PPARG: variants seen among roughly 807,000 people sequenced by gnomAD.
The protein encoded by PPARG is peroxisome proliferator activated receptor gamma.
A neutral mutation model predicts 39.2 loss-of-function variants in PPARG; 17 were observed. The ratio of observed to expected loss-of-function variants is 0.43; its 90% CI spans 0.30 to 0.65. The LOEUF (loss-of-function observed/expected upper bound fraction) is 0.65, where lower values mean the gene tolerates loss of function less well. Ranked by LOEUF, PPARG falls within the 30% of genes least tolerant of loss-of-function variation. The probability of loss-of-function intolerance (pLI) is 0.13; values close to 1 mark genes in which losing one functional copy is unlikely to be tolerated. For synonymous variants in PPARG, 223 were observed against 215.7 expected (o/e 1.03, Z -0.30); for missense variants, 406 against 585.9 (o/e 0.69, Z 3.17).
chr3:12,344,211 T>C (rs2125076480), intron 2 of PPARG, among the ~76,000 whole-genome samples: 1 of 152,310 alleles, frequency 6.6e-6, no homozygotes, highest in East Asian at 1.9e-4. Flanking sequence ...TTTAAAAGAC[T>C]TAGCACAGCC....
chr3:12,372,015 A>G, intron 2 of PPARG: 5 of 717,216 alleles, frequency 7.0e-6, no homozygotes, highest in Non-Finnish European at 1.0e-5. Flanking sequence ...CATGACATTA[A>G]CTGAAACAAA....
intron 2 of PPARG, among the ~76,000 whole-genome samples, chr3:12,327,179 C>T (rs1035206594): frequency 2.6e-5 from 4 of 152,066 alleles, no homozygotes; most frequent in East Asian, 1.9e-4. Flanking sequence ...TGTTTGTACC[C>T]GGTTTGCTTC....
At chr3:12,330,257 T>C (rs372119557) in intron 2 of PPARG, among the ~76,000 whole-genome samples, 22 of 146,046 alleles carry the variant, frequency 1.5e-4, no homozygotes, top group Admixed American at 5.6e-4. Flanking sequence ...CCCACTGCAA[T>C]ATATATGGGT....
intron 6 of PPARG, among the ~76,000 whole-genome samples, chr3:12,408,064 G>A (rs2050735618): frequency 6.6e-6 from 1 of 152,180 alleles, no homozygotes; most frequent in Non-Finnish European, 1.5e-5. Flanking sequence ...AGGTTTTCTG[G>A]CCTCTAGTTC....
At chr3:12,400,315 C>G (rs553428977) in intron 5 of PPARG, among the ~76,000 whole-genome samples, 14 of 152,300 alleles carry the variant, frequency 9.2e-5, no homozygotes, top group African/African-American at 2.4e-4. Flanking sequence ...TTAATTGTTT[C>G]TTAGCGTTAT....
At chr3:12,400,530 G>A (rs553757828) in intron 5 of PPARG, among the ~76,000 whole-genome samples, 4 of 152,346 alleles carry the variant, frequency 2.6e-5, no homozygotes, top group African/African-American at 4.8e-5. Context: ...TCTTCCTGAA[G>A]GGAGCCTACC....
chr3:12,329,615 A>AT (rs200375287), intron 2 of PPARG, among the ~76,000 whole-genome samples: 1,729 of 151,506 alleles, frequency 0.011, 25 homozygotes, highest in East Asian at 0.04. Flanking sequence ...CCATTCTATC[A>AT]TTTTTTTTTA....
intron 2 of PPARG, among the ~76,000 whole-genome samples, chr3:12,312,790 A>C (rs2047285190): frequency 6.6e-6 from 1 of 152,194 alleles, no homozygotes; most frequent in Non-Finnish European, 1.5e-5. Flanking sequence ...CTTTTAATTA[A>C]ATTGAGATAA....
chr3:12,325,682 T>TC (rs1424361238), intron 2 of PPARG, among the ~76,000 whole-genome samples: 1 of 151,742 alleles, frequency 6.6e-6, no homozygotes, highest in Non-Finnish European at 1.5e-5. Flanking sequence ...TTTTTTTTTT[T>TC]CTCAATCTCT....
intron 5 of PPARG, among the ~76,000 whole-genome samples, chr3:12,405,628 C>G (rs571962181): frequency 6.6e-6 from 1 of 152,278 alleles, no homozygotes; most frequent in Admixed American, 6.5e-5. Context: ...TTGCTAAACT[C>G]GAATTCTTTC....
At chr3:12,342,634 A>G (rs1016391798) in intron 2 of PPARG, among the ~76,000 whole-genome samples, 2 of 152,224 alleles carry the variant, frequency 1.3e-5, no homozygotes, top group African/African-American at 2.4e-5. Context: ...GTATATACAT[A>G]TGATCATACA....
chr3:12,300,176 A>G (rs369655444), intron 1 of PPARG, among the ~76,000 whole-genome samples: 1 of 152,246 alleles, frequency 6.6e-6, no homozygotes, highest in African/African-American at 2.4e-5. Flanking sequence ...GATGTAACCA[A>G]AACCTTCAAA....
In PPARG at chr3:12,392,727, C is replaced by G; in HGVS notation, c.504C>G (p.Cys168Trp). The change falls in exon 5 of 8, where the codon TGC becomes TGG. Residue 168 changes from cysteine to tryptophan, a missense_variant. By Grantham distance (215) the Cys-to-Trp change is radical. Coordinates refer to ENST00000651735, the MANE Select transcript of PPARG (RefSeq NM_138711.6). The stretch of plus-strand genomic sequence containing the variant: ...GTCAGTACTGTCGGTTTCAGAAATG[C>G]CTTGCAGTGGGGATGTCTCATAATG... ...NKCQYCRFQKCLAVGMSHNAI... is the reference protein window; with the variant it reads ...NKCQYCRFQKWLAVGMSHNAI... The G allele has an allele frequency of 6.2e-7, 1 of 1,613,786 alleles. No homozygotes were observed. Among genetic ancestry groups the G allele is most frequent in the Non-Finnish European group, 8.5e-7 (1 of 1,179,796 alleles).
At chr3:12,399,126 G>A (rs375758967) in intron 5 of PPARG, among the ~76,000 whole-genome samples, 1 of 152,266 alleles carries the variant, frequency 6.6e-6, no homozygotes, top group African/African-American at 2.4e-5. Flanking sequence ...GCACAGTGTT[G>A]CATCAACGAA....
intron 2 of PPARG, among the ~76,000 whole-genome samples, chr3:12,360,238 T>C (rs1335304345): frequency 6.6e-6 from 1 of 152,216 alleles, no homozygotes; most frequent in Non-Finnish European, 1.5e-5. Flanking sequence ...TTTCGAACTC[T>C]GGCCTCAAGT....
chr3:12,408,567 C>CTTT (rs397945616), intron 6 of PPARG, among the ~76,000 whole-genome samples: 6 of 113,266 alleles, frequency 5.3e-5, no homozygotes, highest in African/African-American at 2.2e-4. Context: ...CTTTTCTTTT[C>CTTT]TTTTTTTTTT....
intron 2 of PPARG, among the ~76,000 whole-genome samples, chr3:12,335,383 T>C (rs1220689918): frequency 6.6e-6 from 1 of 152,252 alleles, no homozygotes; most frequent in East Asian, 1.9e-4. Context: ...TTTATTTTAC[T>C]GCCTTCATTG....
rs150513215 is a variant in PPARG, at chr3:12,379,774, C to T, written c.63C>T (p.Ser21=). The change falls in exon 3 of 8, where the codon TCC becomes TCT. Residue 21 remains serine (S), a synonymous_variant. Coordinates refer to ENST00000651735, the MANE Select transcript of PPARG (RefSeq NM_138711.6). ...TTGGGATCAGCTCCGTGGATCTCTCCGTAATGGAAGACCACTCCCACTCCT... is the reference window on the plus strand; with the variant it reads ...TTGGGATCAGCTCCGTGGATCTCTCTGTAATGGAAGACCACTCCCACTCCT... The part of the protein sequence containing the change: ...TNFGISSVDL[S]VMEDHSHSFD... The T allele has an allele frequency of 1.2e-4, 192 of 1,614,024 alleles. 1 individual carries two copies. Among genetic ancestry groups the T allele is most frequent in the Admixed American group, 1.0e-3 (60 of 59,990 alleles).
intron 2 of PPARG, among the ~76,000 whole-genome samples, chr3:12,342,114 A>G (rs955809689): frequency 5.3e-5 from 8 of 152,214 alleles, no homozygotes; most frequent in Non-Finnish European, 1.5e-5. Flanking sequence ...GTGATGGAAT[A>G]GGAAGTACAC....
Sources: gnomAD v4.1 joint callset for allele counts (sites outside exome capture counted in the v4.1 genomes callset) on GRCh38, gnomAD v4.1.1 for gene constraint, MANE v1.5 for transcripts, NCBI Gene and HGNC (gene_info 2026-07-23, HGNC 2026-07-21) for gene names.